Variants in MAST4 observed in about 807,000 individuals in gnomAD.
MAST4 encodes the protein microtubule-associated serine/threonine-protein kinase 4.
Under a neutral mutation model 162.7 loss-of-function variants are expected in MAST4, and 89 were observed. The observed-to-expected ratio is 0.55, with a 90% CI of 0.46 to 0.65. MAST4 has a LOEUF of 0.65. Among genes scored for constraint, MAST4 ranks in the 30% least tolerant of loss-of-function variants. The probability of loss-of-function intolerance (pLI) is 0.00; values close to 1 mark genes in which losing one functional copy is unlikely to be tolerated. For synonymous variants in MAST4, 1,479 were observed against 1,361.1 expected (o/e 1.09, Z -1.91); for missense variants, 3,153 against 3,374.0 (o/e 0.93, Z 1.62).
intron 1 of MAST4, among the ~76,000 whole-genome samples, chr5:66,639,064 G>A (rs62362295): frequency 0.21 from 31,985 of 152,018 alleles, 3,691 homozygotes; most frequent in South Asian, 0.35. Context: ...AATGGCATAG[G>A]AATTGATGAA....
At chr5:66,784,467 C>A (rs188982482) in intron 2 of MAST4, among the ~76,000 whole-genome samples, 1 of 152,114 alleles carries the variant, frequency 6.6e-6, no homozygotes, top group African/African-American at 2.4e-5. Flanking sequence ...ATTTACACTT[C>A]TAAGTTGAAG....
chr5:66,606,923 CATTT>C (rs893406695), intron 1 of MAST4, among the ~76,000 whole-genome samples: 1 of 151,542 alleles, frequency 6.6e-6, no homozygotes, highest in Non-Finnish European at 1.5e-5. Context: ...TGAATTTACT[CATTT>C]AAATATTAAA....
rs1233612706 is a variant in MAST4, at chr5:66,693,076, A to G, written c.364-66633A>G. ...AGTACAAAGGTTACAAAATTTTACA[A>G]GATAGTTTTTAGGGATCAGCAGGTC... On this transcript the variant is annotated intron_variant, in intron 1 of 28. Coordinates refer to ENST00000403625, the MANE Select transcript of MAST4 (RefSeq NM_001164664.2). 2.6e-5 allele frequency among the ~76,000 whole-genome samples: 4 copies of G among 151,948 alleles called. No individual in the cohort carries two copies. In the East Asian group the frequency reaches 7.7e-4, roughly 29 times the overall value.
At chr5:67,039,324 A>G (rs558054560) in intron 4 of MAST4, among the ~76,000 whole-genome samples, 1 of 152,338 alleles carries the variant, frequency 6.6e-6, no homozygotes, top group East Asian at 1.9e-4. Flanking sequence ...TTGACACAGT[A>G]GGGTGCCATC....
Position 66,899,965 on chromosome 5 carries a change from C to T in MAST4, c.657C>T (p.Leu219=), listed in dbSNP as rs777289070. The change falls in exon 4 of 29, where the codon CTC becomes CTT. Residue 219 remains leucine, a synonymous_variant. Transcript: ENST00000403625. ...TTCTTTTGCAGAAGGAGCTGAGTCTCCCCAGAAGAGGAAGTTTGTAAGTAG... is the reference window on the plus strand; with the variant it reads ...TTCTTTTGCAGAAGGAGCTGAGTCTTCCCAGAAGAGGAAGTTTGTAAGTAG... ...SLTASLKELS[L]PRRGSFCRTS... is the part of the protein sequence containing the mutation. 5 of 1,519,760 alleles carry T rather than the reference C, an allele frequency of 3.3e-6. No homozygotes were observed. The highest frequency in any genetic ancestry group is 1.3e-5 in the South Asian group (1 of 77,078). The allele number at this position is 1,519,760 out of a possible 1,614,324, so 94.1% of individuals were successfully genotyped here.
chr5:66,876,722 AAG>A, intron 3 of MAST4, among the ~76,000 whole-genome samples: 1 of 152,170 alleles, frequency 6.6e-6, no homozygotes, highest in Non-Finnish European at 1.5e-5. Context: ...CTCAATCCTA[AAG>A]AGGGCATGTT....
intron 1 of MAST4, among the ~76,000 whole-genome samples, chr5:66,749,544 T>C (rs116620975): frequency 0.023 from 3,543 of 152,316 alleles, 67 homozygotes; most frequent in South Asian, 0.06. Context: ...TTGTGAACCA[T>C]TGATGATGAT....
At chr5:67,108,465 C>A (rs757916770) in intron 10 of MAST4, among the ~76,000 whole-genome samples, 4 of 151,914 alleles carry the variant, frequency 2.6e-5, no homozygotes, top group Non-Finnish European at 5.9e-5. Flanking sequence ...ATTTTTGTTG[C>A]AAAGCAAAAA....
At chr5:67,044,435 C>T (rs1190105883) in intron 4 of MAST4, among the ~76,000 whole-genome samples, 1 of 152,180 alleles carries the variant, frequency 6.6e-6, no homozygotes, top group Admixed American at 6.5e-5. Context: ...AGGCCCTTCT[C>T]ACATTAATTA....
chr5:67,073,966 T>G (rs1490895399), intron 5 of MAST4, among the ~76,000 whole-genome samples: 1 of 152,056 alleles, frequency 6.6e-6, no homozygotes, highest in Non-Finnish European at 1.5e-5. Context: ...AGGAAAAGAT[T>G]GATAATAGAA....
At chr5:67,138,343 T>C (rs1408981432) in intron 19 of MAST4, among the ~76,000 whole-genome samples, 1 of 152,244 alleles carries the variant, frequency 6.6e-6, no homozygotes, top group Admixed American at 6.5e-5. Flanking sequence ...CATGATTTTT[T>C]ATTCTGTTAT....
chr5:66,692,011 C>G (rs1392024613), intron 1 of MAST4, among the ~76,000 whole-genome samples: 1 of 152,108 alleles, frequency 6.6e-6, no homozygotes, highest in African/African-American at 2.4e-5. Flanking sequence ...TACAGGAACC[C>G]AAGGACATAT....
rs1013102354 is a variant in MAST4, at chr5:67,169,004, T to A, written c.*1953T>A. 5.3e-5 allele frequency: 8 copies of A among 151,920 alleles called. No individual in the cohort carries two copies. The highest frequency in any genetic ancestry group is 1.3e-4 in the Admixed American group (2 of 15,222). The allele number at this position is 151,920 out of a possible 1,614,324, so 9.4% of individuals were successfully genotyped here. A position where few individuals can be genotyped will look rare whatever the true frequency, so the allele number is the denominator to read the frequency against. On this transcript the variant is annotated 3_prime_UTR_variant, in exon 29 of 29. Transcript: ENST00000403625. ...TCACTATATTGTGAAGCTGTAAAAA[T>A]ATATATATATACTTTACAAGAGTTT... is the stretch of plus-strand genomic sequence containing the variant.
At chr5:67,030,336 T>C (rs372215333) in intron 4 of MAST4, among the ~76,000 whole-genome samples, 16 of 152,274 alleles carry the variant, frequency 1.1e-4, no homozygotes, top group African/African-American at 3.6e-4. Context: ...TTGTTTTCTT[T>C]TTAAACTTTG....
rs932956755 is a variant in MAST4 at position 66,645,370 on chromosome 5, C to T, written c.363+48352C>T. ...GCATTATAAATTTTGTTCTTGAAGA[C>T]TGTGAAGTGGATGGGGAAAAAGTTA... On this transcript the variant is annotated intron_variant, in intron 1 of 28. Coordinates refer to ENST00000403625, the MANE Select transcript of MAST4 (RefSeq NM_001164664.2). Among the ~76,000 whole-genome samples the T allele has an allele frequency of 3.3e-5, 5 of 152,108 alleles. No homozygotes were observed. The East Asian group carries it at 7.7e-4, about 23-fold the overall frequency.
intron 1 of MAST4, among the ~76,000 whole-genome samples, chr5:66,731,950 C>T (rs921639749): frequency 1.3e-5 from 2 of 152,034 alleles, no homozygotes; most frequent in Non-Finnish European, 2.9e-5. Flanking sequence ...ACCTTCCCTT[C>T]AGGTAGGCAG....
chr5:67,114,013 A>C (rs1426469513), intron 11 of MAST4, 74 bp from the exon 12 acceptor site: 1 of 1,559,484 alleles, frequency 6.4e-7, no homozygotes, highest in Non-Finnish European at 8.8e-7. Flanking sequence ...TTATATTGTG[A>C]ATGGGATTTA....
At chr5:66,791,957 T>G (rs1393607511) in intron 3 of MAST4, among the ~76,000 whole-genome samples, 1 of 152,214 alleles carries the variant, frequency 6.6e-6, no homozygotes, top group Non-Finnish European at 1.5e-5. Context: ...TATTTTGACG[T>G]GTCACTCAAG....
chr5:67,078,739 A>ATATATATTTATTTATATTTATCTAAAT (rs1762020995), intron 5 of MAST4, among the ~76,000 whole-genome samples: 1 of 116,900 alleles, frequency 8.6e-6, no homozygotes, highest in Admixed American at 9.3e-5. Context: ...TATTTATCTA[A>ATATATATTTATTTATATTTATCTAAAT]ATATATATTT....
Sources: gnomAD v4.1 joint callset for allele counts (sites outside exome capture counted in the v4.1 genomes callset) on GRCh38, gnomAD v4.1.1 for gene constraint, MANE v1.5 for transcripts, NCBI Gene and HGNC (gene_info 2026-07-23, HGNC 2026-07-21) for gene names.